The following FGF14 variants were observed in gnomAD, a reference collection of about 807,000 sequenced individuals.
FGF14 encodes the protein fibroblast growth factor homologous factor 4.
Under a neutral mutation model 25.5 loss-of-function variants are expected in FGF14, and 5 were observed. That is an observed-to-expected ratio of 0.20 (90% CI 0.10 to 0.41). FGF14 has a LOEUF of 0.41. Ranked by LOEUF, FGF14 falls within the 10% of genes least tolerant of loss-of-function variation. The probability of loss-of-function intolerance (pLI) is 1.00; values close to 1 mark genes in which losing one functional copy is unlikely to be tolerated. For missense variants in FGF14, 222 were observed against 320.1 expected, an observed-to-expected ratio of 0.69 and a Z score of 2.34; for synonymous variants, 138 against 118.3, an observed-to-expected ratio of 1.17 and a Z score of -1.08.
intron 1 of FGF14, among the ~76,000 whole-genome samples, chr13:102,122,325 T>G (rs1677055535): frequency 6.6e-6 from 1 of 152,182 alleles, no homozygotes; most frequent in South Asian, 2.1e-4. Flanking sequence ...CAAACTGGAT[T>G]ATCTCGAAAT....
At chr13:102,122,304 CA>C (rs148405760) in intron 1 of FGF14, among the ~76,000 whole-genome samples, 1 of 152,230 alleles carries the variant, frequency 6.6e-6, no homozygotes, top group East Asian at 1.9e-4. Context: ...TTTTATTATC[CA>C]AAGGCTCGTC....
Position 101,717,199 on chromosome 13 carries a change from ACT to A in FGF14, c.*5630_*5631del, listed in dbSNP as rs1203903099. On this transcript the variant is annotated 3_prime_UTR_variant, in exon 5 of 5. Coordinates refer to ENST00000376143, the MANE Select transcript of FGF14 (RefSeq NM_004115.4). ...CCAAAAATAAGGAAAATATGCATCC[ACT>A]GAGTTACTTAAAAATTTAATATTGA... 2 of 152,244 alleles carry A rather than the reference ACT, an allele frequency of 1.3e-5. No homozygotes were observed. The highest frequency in any genetic ancestry group is 4.8e-5 in the African/African-American group (2 of 41,584). The allele number at this position is 152,244 out of a possible 1,614,324, so 9.4% of individuals were successfully genotyped here.
intron 1 of FGF14, among the ~76,000 whole-genome samples, chr13:102,261,771 T>C (rs1456754629): frequency 2.6e-5 from 4 of 152,210 alleles, no homozygotes; most frequent in African/African-American, 9.7e-5. Flanking sequence ...ATTTTTCCTA[T>C]TGAATTTTAA....
intron 1 of FGF14, among the ~76,000 whole-genome samples, chr13:101,881,630 C>T (rs551492792): frequency 6.3e-4 from 83 of 132,012 alleles, no homozygotes; most frequent in African/African-American, 2.2e-3. Flanking sequence ...CCAAGTCAAT[C>T]CATCACTTAC....
At chr13:102,258,939 C>G (rs2052581769) in intron 1 of FGF14, among the ~76,000 whole-genome samples, 1 of 151,936 alleles carries the variant, frequency 6.6e-6, no homozygotes, top group Non-Finnish European at 1.5e-5. Flanking sequence ...TTTATGCCTC[C>G]CAGGAAGTTA....
intron 3 of FGF14, among the ~76,000 whole-genome samples, chr13:101,841,936 T>C (rs1339148547): frequency 6.6e-6 from 1 of 152,030 alleles, no homozygotes; most frequent in African/African-American, 2.4e-5. Context: ...TCACTCAGTA[T>C]AATCATTTAT....
chr13:102,118,163 A>C (rs763312332), intron 1 of FGF14, among the ~76,000 whole-genome samples: 8 of 152,084 alleles, frequency 5.3e-5, no homozygotes, highest in Non-Finnish European at 1.0e-4. Flanking sequence ...ACTAATGTTG[A>C]AATATTAATT....
intron 3 of FGF14, among the ~76,000 whole-genome samples, chr13:101,790,899 C>A: frequency 6.6e-6 from 1 of 152,062 alleles, no homozygotes; most frequent in East Asian, 1.9e-4. Context: ...TTATGTGTAC[C>A]AACTATAACG....
At chr13:102,180,365 TACAGTGGC>T (rs2048619701) in intron 1 of FGF14, among the ~76,000 whole-genome samples, 1 of 152,138 alleles carries the variant, frequency 6.6e-6, no homozygotes, top group Non-Finnish European at 1.5e-5. Context: ...CAGGCTGGAT[TACAGTGGC>T]ACAATCTCAG....
intron 3 of FGF14, among the ~76,000 whole-genome samples, chr13:101,809,041 G>A (rs1051819564): frequency 6.6e-6 from 1 of 151,958 alleles, no homozygotes; most frequent in African/African-American, 2.4e-5. Flanking sequence ...AAATCTCCGG[G>A]AGTTCTTGGC....
intron 1 of FGF14, among the ~76,000 whole-genome samples, chr13:102,121,719 G>A (rs1457307): frequency 0.027 from 4,054 of 152,256 alleles, 208 homozygotes; most frequent in African/African-American, 0.093. Flanking sequence ...TTGAAAGCGT[G>A]TCTTTGAAAT....
intron 1 of FGF14, among the ~76,000 whole-genome samples, chr13:102,208,106 T>C (rs1469279202): frequency 1.3e-5 from 2 of 152,208 alleles, no homozygotes; most frequent in Non-Finnish European, 2.9e-5. Context: ...AAGTCACCTC[T>C]CTTCATTCAA....
intron 1 of FGF14, chr13:102,017,027 T>C (rs997627134): frequency 6.2e-6 from 1 of 161,406 alleles, no homozygotes; most frequent in African/African-American, 2.4e-5. Context: ...TGTAACTGAC[T>C]GTGAACAATC....
chr13:101,877,177 T>C (rs559452969), intron 1 of FGF14, among the ~76,000 whole-genome samples: 1 of 152,242 alleles, frequency 6.6e-6, no homozygotes, highest in East Asian at 1.9e-4. Context: ...CTCATGCTTA[T>C]ACAGAGAGAT....
Position 101,765,718 on chromosome 13 carries a change from T to TTATTATTTTATTTA in FGF14, c.409-38909_409-38908insTAAATAAAATAATA, listed in dbSNP as rs1555377152. Among the ~76,000 whole-genome samples the TTATTATTTTATTTA allele has an allele frequency of 4.6e-3, 658 of 143,368 alleles. 4 individuals are homozygous for TTATTATTTTATTTA. Among genetic ancestry groups the TTATTATTTTATTTA allele is most frequent in the African/African-American group, 0.017 (608 of 36,790 alleles). The allele number at this position is 143,368 out of a possible 152,430, so 94.1% of individuals were successfully genotyped here. ...CTTTTATTTATTATTATTATTATTA[T>TTATTATTTTATTTA]TTTATTTATTTATTTATTTATTTAT... On this transcript the variant is annotated intron_variant, in intron 3 of 4. Coordinates refer to ENST00000376143, the MANE Select transcript of FGF14 (RefSeq NM_004115.4).
intron 1 of FGF14, among the ~76,000 whole-genome samples, chr13:102,099,847 G>A (rs1343527500): frequency 2.0e-5 from 3 of 152,250 alleles, no homozygotes; most frequent in Admixed American, 6.5e-5. Context: ...GTTAGGTTTA[G>A]TAGGGCCCTA....
chr13:101,772,420 A>G (rs928459185), intron 3 of FGF14, among the ~76,000 whole-genome samples: 18 of 152,106 alleles, frequency 1.2e-4, no homozygotes, highest in African/African-American at 4.3e-4. Context: ...AAACTATAGT[A>G]TCAGGACAGA....
At chr13:101,973,758 C>A (rs6491657) in intron 1 of FGF14, among the ~76,000 whole-genome samples, 2,290 of 152,228 alleles carry the variant, frequency 0.015, 61 homozygotes, top group African/African-American at 0.052. Context: ...TCTGCCTTTC[C>A]CAGCCCACTG....
chr13:101,820,774 C>CTTATAGCT (rs2042083274), intron 3 of FGF14, among the ~76,000 whole-genome samples: 3 of 24,488 alleles, frequency 1.2e-4, no homozygotes, highest in African/African-American at 3.2e-4. Context: ...ACACACACCA[C>CTTATAGCT]ACACCACACA....
Sources: allele counts gnomAD v4.1 joint callset (sites outside exome capture counted in the v4.1 genomes callset), GRCh38; gene constraint gnomAD v4.1.1; transcripts MANE v1.5; gene names NCBI Gene and HGNC (gene_info 2026-07-23, HGNC 2026-07-21).